Variants in NDUFAF6 observed in about 807,000 individuals in gnomAD.
The protein encoded by NDUFAF6 is NADH dehydrogenase (ubiquinone) complex I, assembly factor 6.
A neutral mutation model predicts 40.8 loss-of-function variants in NDUFAF6; 45 were observed. The ratio of observed to expected loss-of-function variants is 1.10; its 90% CI spans 0.87 to 1.42. NDUFAF6 has a LOEUF of 1.42. Among genes scored for constraint, NDUFAF6 ranks in the 40% most tolerant of loss-of-function variants. NDUFAF6 has a pLI of 0.00. For missense variants in NDUFAF6, 435 were observed against 418.5 expected (o/e 1.04, Z -0.34); for synonymous variants, 185 against 155.9 (o/e 1.19, Z -1.39).
At chr8:94,933,839 G>GA (rs1046736222) in intron 1 of NDUFAF6, among the ~76,000 whole-genome samples, 6 of 148,458 alleles carry the variant, frequency 4.0e-5, no homozygotes, top group Admixed American at 2.7e-4. Flanking sequence ...CTTTGTGGGG[G>GA]GGGGGGGAGG....
intron 2 of NDUFAF6, among the ~76,000 whole-genome samples, chr8:95,012,667 T>TAAATAAATAAATAAGTAAAC (rs753278652): frequency 6.6e-6 from 1 of 150,434 alleles, no homozygotes. Context: ...AATAAATAAA[T>TAAATAAATAAATAAGTAAAC]AAACAAATAA....
At chr8:95,102,624 G>A (rs1278741711) in intron 2 of NDUFAF6, among the ~76,000 whole-genome samples, 1 of 152,178 alleles carries the variant, frequency 6.6e-6, no homozygotes, top group Admixed American at 6.5e-5. Flanking sequence ...GCTCAGGAAA[G>A]CAATTCATGG....
intron 1 of NDUFAF6, among the ~76,000 whole-genome samples, chr8:94,910,097 G>C (rs1469206608): frequency 6.6e-6 from 1 of 151,856 alleles, no homozygotes; most frequent in Non-Finnish European, 1.5e-5. Context: ...TTGTGGAAAA[G>C]GTAACCAGCC....
chr8:94,993,907 A>G (rs1294285025), intron 2 of NDUFAF6, among the ~76,000 whole-genome samples: 1 of 152,228 alleles, frequency 6.6e-6, no homozygotes, highest in Admixed American at 6.5e-5. Flanking sequence ...AAGTTTCATA[A>G]AAGGAAAAAT....
At chr8:94,941,450 G>C (rs1170885748) in intron 1 of NDUFAF6, among the ~76,000 whole-genome samples, 2 of 152,178 alleles carry the variant, frequency 1.3e-5, no homozygotes. Context: ...CAACTGCTCA[G>C]AAGTCCCAGC....
chr8:95,059,335 C>T (rs990522246), downstream of NDUFAF6, among the ~76,000 whole-genome samples: 8 of 152,154 alleles, frequency 5.3e-5, no homozygotes, highest in Non-Finnish European at 5.9e-5. Context: ...TTTTGGAGCA[C>T]AAGAATGCAT....
At chr8:94,953,484 G>A (rs772176283), upstream of NDUFAF6, among the ~76,000 whole-genome samples, 92 of 152,208 alleles carry the variant, frequency 6.0e-4, no homozygotes, top group Non-Finnish European at 1.1e-3. Flanking sequence ...TTGAAGAGGC[G>A]CACTGTGTGG....
chr8:94,962,892 G>A (rs1823712062), intron 1 of NDUFAF6, among the ~76,000 whole-genome samples: 1 of 151,416 alleles, frequency 6.6e-6, no homozygotes, highest in African/African-American at 2.4e-5. Flanking sequence ...CTGGGTTCAA[G>A]TGATTCTCCT....
chr8:94,909,713 C>T (rs1446657568), intron 1 of NDUFAF6, among the ~76,000 whole-genome samples: 1 of 151,010 alleles, frequency 6.6e-6, no homozygotes, highest in African/African-American at 2.4e-5. Flanking sequence ...GTCACTTCGC[C>T]CAGGAGTTTG....
chr8:95,115,327 G>A (rs1042970980), intron 4 of NDUFAF6, among the ~76,000 whole-genome samples: 1 of 152,188 alleles, frequency 6.6e-6, no homozygotes, highest in Admixed American at 6.5e-5. Context: ...GTATGACTGA[G>A]ATGACTGCAA....
chr8:94,940,916 A>G (rs748312321), intron 1 of NDUFAF6: 1 of 1,613,768 alleles, frequency 6.2e-7, no homozygotes, highest in Non-Finnish European at 8.5e-7. Flanking sequence ...TTCACCCACA[A>G]ACATTTTATT....
chr8:94,995,844 C>T (rs1826404878), intron 2 of NDUFAF6, among the ~76,000 whole-genome samples: 1 of 152,204 alleles, frequency 6.6e-6, no homozygotes, highest in African/African-American at 2.4e-5. Context: ...GTGGTGCGAT[C>T]TCAGCTTACT....
intron 1 of NDUFAF6, among the ~76,000 whole-genome samples, chr8:94,943,752 T>G (rs1333544707): frequency 1.3e-5 from 2 of 152,338 alleles, no homozygotes; most frequent in East Asian, 3.9e-4. Flanking sequence ...TAAATAACAT[T>G]AGAACACTTT....
chr8:95,035,304 G>C, intron 2 of NDUFAF6, 150 bp from the exon 3 acceptor site: 1 of 678,902 alleles, frequency 1.5e-6, no homozygotes, highest in Non-Finnish European at 2.5e-6. Context: ...TCTTTGTTGT[G>C]TTCTATAGGT....
chr8:94,985,600 A>G (rs953280888), intron 2 of NDUFAF6, among the ~76,000 whole-genome samples: 3 of 123,988 alleles, frequency 2.4e-5, no homozygotes, highest in Non-Finnish European at 4.7e-5. Context: ...CAATGGTGCA[A>G]TCTCAGCTCA....
At chr8:95,092,511 T>C (rs896590714) in intron 2 of NDUFAF6, among the ~76,000 whole-genome samples, 12 of 151,862 alleles carry the variant, frequency 7.9e-5, no homozygotes, top group Admixed American at 2.0e-4. Flanking sequence ...TCCACACTAA[T>C]TGTCTCCAGG....
upstream of NDUFAF6, among the ~76,000 whole-genome samples, chr8:95,096,510 C>A (rs1351342803): frequency 3.3e-5 from 5 of 152,150 alleles, no homozygotes; most frequent in Non-Finnish European, 4.4e-5. Flanking sequence ...GAAACAATAG[C>A]TGATGAAAGA....
At chr8:94,907,987 C>A (rs1474478519) in intron 1 of NDUFAF6, among the ~76,000 whole-genome samples, 2 of 152,284 alleles carry the variant, frequency 1.3e-5, no homozygotes, top group East Asian at 3.9e-4. Flanking sequence ...ATAGCAGGTA[C>A]TACATTCACC....
chr8:95,041,358 A>T (rs1563819131), intron 3 of NDUFAF6, among the ~76,000 whole-genome samples: 1 of 152,254 alleles, frequency 6.6e-6, no homozygotes, highest in Non-Finnish European at 1.5e-5. Context: ...TTAGTAGAAA[A>T]GTATTAGAAG....
Sources: allele counts gnomAD v4.1 joint callset (sites outside exome capture counted in the v4.1 genomes callset), GRCh38; gene constraint gnomAD v4.1.1; transcripts MANE v1.5; gene names NCBI Gene and HGNC (gene_info 2026-07-23, HGNC 2026-07-21).